Variants in CCNC observed in about 807,000 individuals in gnomAD.
CCNC encodes cyclin-C.
A neutral mutation model predicts 50.0 loss-of-function variants in CCNC; 19 were observed. The observed-to-expected ratio is 0.38, with a 90% CI of 0.27 to 0.56. The LOEUF (loss-of-function observed/expected upper bound fraction) is 0.56, where lower values mean the gene tolerates loss of function less well. Ranked by LOEUF, CCNC falls within the 20% of genes least tolerant of loss-of-function variation. The pLI is 0.72. For synonymous variants in CCNC, 93 were observed against 103.7 expected (o/e 0.90, Z 0.63); for missense variants, 200 against 327.1 (o/e 0.61, Z 3.00).
At chr6:99,561,271 CATTT>C in intron 4 of CCNC, 92 bp downstream of exon 4, 5 of 799,008 alleles carry the variant, frequency 6.3e-6, no homozygotes, top group Non-Finnish European at 1.1e-5. Flanking sequence ...CATAAATTAC[CATTT>C]ATTAATTTTA....
intron 10 of CCNC, 131 bp downstream of exon 10, chr6:99,546,264 C>A (rs1802066123): frequency 1.6e-6 from 1 of 643,132 alleles, no homozygotes; most frequent in Admixed American, 2.5e-5. Flanking sequence ...CCATGCCCAG[C>A]CCATGTTTCT....
At chr6:99,544,314 C>A (rs767213985) in intron 11 of CCNC, 52 of 1,523,934 alleles carry the variant, frequency 3.4e-5, no homozygotes, top group Non-Finnish European at 4.4e-5. Context: ...TGAATGACTG[C>A]CTTAAACAGC....
intron 9 of CCNC, 122 bp from the exon 10 acceptor site, chr6:99,546,596 C>T (rs1018193146): frequency 1.7e-5 from 11 of 646,992 alleles, no homozygotes; most frequent in Non-Finnish European, 2.5e-5. Flanking sequence ...CATTAAACAG[C>T]TACATATGAG....
chr6:99,553,213 C>G (rs189193510), intron 5 of CCNC, among the ~76,000 whole-genome samples: 12 of 152,238 alleles, frequency 7.9e-5, no homozygotes, highest in African/African-American at 2.9e-4. Flanking sequence ...CCTTTCTTCT[C>G]TCCTTTATTT....
Position 99,568,481 on chromosome 6 carries a change from C to T in CCNC, c.32+15G>A. 8.7e-6 allele frequency: 14 copies of T among 1,611,414 alleles called. No individual in the cohort carries two copies. Among genetic ancestry groups the T allele is most frequent in the Non-Finnish European group, 1.2e-5 (14 of 1,178,672 alleles). On this transcript the variant is annotated intron_variant, in intron 1 of 11. Transcript: ENST00000520429. ...CAAAAACCGGCCCCAGGTGAGAAGACGGAAGATCGCTTACTAGTGGGAGCT... is the reference window on the plus strand; with the variant it reads ...CAAAAACCGGCCCCAGGTGAGAAGATGGAAGATCGCTTACTAGTGGGAGCT...
At position 99,543,510 on chromosome 6, in the gene CCNC, A is replaced by G. The variant is rs770977593; in HGVS notation, c.*45T>C. The G allele has an allele frequency of 1.2e-5, 20 of 1,604,578 alleles. No individual in the cohort carries two copies. The highest frequency in any genetic ancestry group is 6.7e-5 in the African/African-American group (5 of 74,720). Reference sequence around the variant, plus strand: ...TGAAGACATTACTGAAATCTGTCCAATGGTTTATTTCCAAGTGGTCCACTA... The same window carrying G: ...TGAAGACATTACTGAAATCTGTCCAGTGGTTTATTTCCAAGTGGTCCACTA... On this transcript the variant is annotated 3_prime_UTR_variant, in exon 12 of 12. Coordinates refer to ENST00000520429, the MANE Select transcript of CCNC (RefSeq NM_005190.4).
chr6:99,554,190 G>A (rs1363324358), intron 5 of CCNC, among the ~76,000 whole-genome samples: 1 of 97,768 alleles, frequency 1.0e-5, no homozygotes, highest in Non-Finnish European at 2.3e-5. Flanking sequence ...GAGAAAATGG[G>A]TTTTTGACAG....
At chr6:99,561,529 T>C in intron 3 of CCNC, 68 bp downstream of exon 3, 1 of 1,366,858 alleles carries the variant, frequency 7.3e-7, no homozygotes, top group South Asian at 1.3e-5. Context: ...ACATGATTCA[T>C]TTACACTGTG....
In CCNC at chr6:99,568,486, G is replaced by C. The variant is rs200723138; in HGVS notation, c.32+10C>G. On this transcript the variant is annotated intron_variant, in intron 1 of 11. Coordinates refer to ENST00000520429, the MANE Select transcript of CCNC (RefSeq NM_005190.4). ...ACCGGCCCCAGGTGAGAAGACGGAAGATCGCTTACTAGTGGGAGCTCTGCC... is the reference window on the plus strand; with the variant it reads ...ACCGGCCCCAGGTGAGAAGACGGAACATCGCTTACTAGTGGGAGCTCTGCC... 6.8e-6 allele frequency: 11 copies of C among 1,611,998 alleles called. No individual in the cohort carries two copies. Among genetic ancestry groups the C allele is most frequent in the Middle Eastern group, 1.6e-4 (1 of 6,084 alleles).
chr6:99,545,723 G>A (rs1802042225), intron 10 of CCNC, among the ~76,000 whole-genome samples: 1 of 152,014 alleles, frequency 6.6e-6, no homozygotes, highest in Admixed American at 6.6e-5. Flanking sequence ...CCTAACCTTA[G>A]GATTAATTTT....
chr6:99,548,813 A>G (rs1802177650), intron 9 of CCNC, among the ~76,000 whole-genome samples: 1 of 152,016 alleles, frequency 6.6e-6, no homozygotes, highest in African/African-American at 2.4e-5. Flanking sequence ...AAAAAAAAAA[A>G]AAAAAAAAAA....
At chr6:99,545,285 T>C (rs1400282645) in intron 10 of CCNC, 55 bp from the exon 11 acceptor site, 1 of 873,390 alleles carries the variant, frequency 1.1e-6, no homozygotes, top group East Asian at 2.4e-5. Context: ...ACATTTTTTA[T>C]ATAAAGAGCA....
chr6:99,555,447 T>A (rs11154920), intron 5 of CCNC, among the ~76,000 whole-genome samples: 7 of 116,326 alleles, frequency 6.0e-5, no homozygotes, highest in African/African-American at 2.3e-4. Context: ...TTTTTTTTTT[T>A]AATTTTTAGG....
chr6:99,568,415 C>A, intron 1 of CCNC, 81 bp downstream of exon 1: 1 of 1,370,534 alleles, frequency 7.3e-7, no homozygotes, highest in Non-Finnish European at 1.0e-6. Flanking sequence ...AGCTGGGATC[C>A]AGGCCCAGGG....
At chr6:99,561,243 T>A in intron 4 of CCNC, 124 bp downstream of exon 4, 1 of 722,418 alleles carries the variant, frequency 1.4e-6, no homozygotes, top group Non-Finnish European at 2.5e-6. Context: ...TTTGATTTTG[T>A]ACAATTTTAG....
intron 2 of CCNC, chr6:99,561,885 C>A: frequency 3.2e-6 from 1 of 315,186 alleles, no homozygotes; most frequent in Non-Finnish European, 5.9e-6. Flanking sequence ...GCATAAACAA[C>A]AACAAAACAA....
rs1802081529 is a variant in CCNC at position 99,546,615 on chromosome 6, C to T, written c.599-141G>A. Reference sequence around the variant, plus strand: ...AAACAGCTACATATGAGAGTTACCACTGACCATCTCATCAATGTAATCCGA... The same window carrying T: ...AAACAGCTACATATGAGAGTTACCATTGACCATCTCATCAATGTAATCCGA... On this transcript the variant is annotated intron_variant, in intron 9 of 11. Transcript: ENST00000520429. The T allele has an allele frequency of 2.2e-5, 13 of 581,024 alleles. No homozygotes were observed. The South Asian group carries it at 3.0e-4, about 13-fold the overall frequency. The allele number at this position is 581,024 out of a possible 1,614,324, so 36.0% of individuals were successfully genotyped here. A position where few individuals can be genotyped will look rare whatever the true frequency, so the allele number is the denominator to read the frequency against.
In CCNC at chr6:99,543,215, T is replaced by G. The variant is rs1460571863; in HGVS notation, c.*340A>C. The stretch of plus-strand genomic sequence containing the variant: ...ATGACCAAAGAGAATTTTAAACAAA[T>G]TATGCTTCATGTTTCCTGGCTTAAT... On this transcript the variant is annotated 3_prime_UTR_variant, in exon 12 of 12. Transcript: ENST00000520429. 12 of 166,892 alleles carry G rather than the reference T, an allele frequency of 7.2e-5. No homozygotes were observed. Among genetic ancestry groups the G allele is most frequent in the Middle Eastern group, 2.5e-3 (1 of 406 alleles). 10.3% of individuals were successfully genotyped at this position (166,892 alleles called of 1,614,324 possible). A position where few individuals can be genotyped will look rare whatever the true frequency, so the allele number is the denominator to read the frequency against.
chr6:99,555,768 T>A (rs540251815), intron 5 of CCNC, among the ~76,000 whole-genome samples: 10 of 152,264 alleles, frequency 6.6e-5, no homozygotes, highest in African/African-American at 1.7e-4. Context: ...GTTATCAAAT[T>A]CCAAATTTCT....
Sources: allele counts gnomAD v4.1 joint callset (sites outside exome capture counted in the v4.1 genomes callset), GRCh38; gene constraint gnomAD v4.1.1; transcripts MANE v1.5; gene names NCBI Gene and HGNC (gene_info 2026-07-23, HGNC 2026-07-21).